The following HSD17B12 variants were observed in gnomAD, a reference collection of about 807,000 sequenced individuals.
The protein encoded by HSD17B12 is very-long-chain 3-oxoacyl-CoA reductase.
Under a neutral mutation model 39.3 loss-of-function variants are expected in HSD17B12, and 32 were observed. That is an observed-to-expected ratio of 0.81 (90% CI 0.61 to 1.09). The LOEUF (loss-of-function observed/expected upper bound fraction) is 1.09, where lower values mean the gene tolerates loss of function less well. HSD17B12 is among the 50% of genes least tolerant of loss of function. The pLI is 0.00. For synonymous variants in HSD17B12, 150 were observed against 146.7 expected, an observed-to-expected ratio of 1.02 and a Z score of -0.16; for missense variants, 342 against 382.9, an observed-to-expected ratio of 0.89 and a Z score of 0.89.
intron 9 of HSD17B12, among the ~76,000 whole-genome samples, chr11:43,843,832 T>C (rs1951449544): frequency 6.6e-6 from 1 of 152,230 alleles, no homozygotes; most frequent in Non-Finnish European, 1.5e-5. Flanking sequence ...TGCTACTGTC[T>C]GGCCCTTCCC....
chr11:43,641,635 G>C, the HSD17B12 span, among the ~76,000 whole-genome samples: 2 of 151,896 alleles, frequency 1.3e-5, no homozygotes, highest in Non-Finnish European at 3.0e-5. Context: ...GCAAGAACCT[G>C]TACTTTGTGT....
the HSD17B12 span, among the ~76,000 whole-genome samples, chr11:43,609,834 G>A: frequency 6.6e-6 from 1 of 152,152 alleles, no homozygotes; most frequent in African/African-American, 2.4e-5. Flanking sequence ...AAGATGAGAG[G>A]CTTGTACTAC....
chr11:43,766,604 T>G (rs1473764890), intron 3 of HSD17B12, among the ~76,000 whole-genome samples: 3 of 152,190 alleles, frequency 2.0e-5, no homozygotes, highest in Non-Finnish European at 4.4e-5. Flanking sequence ...CCATAAATGT[T>G]TGGTCTACAT....
chr11:43,778,751 T>C (rs1157227316), intron 3 of HSD17B12, among the ~76,000 whole-genome samples: 1 of 151,928 alleles, frequency 6.6e-6, no homozygotes, highest in African/African-American at 2.4e-5. Context: ...ATTATCTCAA[T>C]AGATGCAGAA....
intron 1 of HSD17B12, chr11:43,718,975 G>A (rs929237452): frequency 4.1e-5 from 43 of 1,043,740 alleles, no homozygotes; most frequent in Non-Finnish European, 5.8e-5. Context: ...TGTTCATTGT[G>A]GATGTTAAAG....
At chr11:43,807,965 T>G (rs1182096980) in intron 4 of HSD17B12, among the ~76,000 whole-genome samples, 1 of 152,210 alleles carries the variant, frequency 6.6e-6, no homozygotes, top group Non-Finnish European at 1.5e-5. Flanking sequence ...ATGCCCATTT[T>G]ACAGACAAGA....
chr11:43,652,305 G>A, the HSD17B12 span, among the ~76,000 whole-genome samples: 1 of 152,222 alleles, frequency 6.6e-6, no homozygotes, highest in East Asian at 1.9e-4. Context: ...TAAAACAATA[G>A]GTGTGGAAAA....
intron 1 of HSD17B12, among the ~76,000 whole-genome samples, chr11:43,741,937 C>T (rs1183399824): frequency 4.0e-5 from 6 of 148,852 alleles, no homozygotes; most frequent in African/African-American, 7.4e-5. Flanking sequence ...GGTTTCACCA[C>T]GTTAGCCAGG....
chr11:43,839,897 T>C, intron 8 of HSD17B12, 102 bp from the exon 9 acceptor site: 1 of 945,922 alleles, frequency 1.1e-6, no homozygotes, highest in Non-Finnish European at 1.7e-6. Context: ...GATGAGAAAT[T>C]ATAGCATTAA....
chr11:43,847,896 T>C (rs1175775477), intron 9 of HSD17B12, among the ~76,000 whole-genome samples: 5 of 151,988 alleles, frequency 3.3e-5, no homozygotes, highest in Admixed American at 3.3e-4. Flanking sequence ...TAGGACAAAT[T>C]GAGATGAGAG....
chr11:43,627,366 C>T, the HSD17B12 span, among the ~76,000 whole-genome samples: 1 of 151,670 alleles, frequency 6.6e-6, no homozygotes, highest in Non-Finnish European at 1.5e-5. Context: ...ATAGGAGCTA[C>T]AGATAAAAAC....
intron 1 of HSD17B12, among the ~76,000 whole-genome samples, chr11:43,682,786 TTTTC>T (rs1374911678): frequency 8.1e-6 from 1 of 123,770 alleles, no homozygotes; most frequent in Non-Finnish European, 1.8e-5. Context: ...TTTTCTTTTC[TTTTC>T]TTTTTTTTTT....
chr11:43,730,976 A>C (rs887593432), intron 1 of HSD17B12, among the ~76,000 whole-genome samples: 1 of 152,060 alleles, frequency 6.6e-6, no homozygotes, highest in East Asian at 1.9e-4. Flanking sequence ...GAATTTGCCC[A>C]CTTCTTATAT....
chr11:43,674,587 C>T, the HSD17B12 span, among the ~76,000 whole-genome samples: 2 of 152,292 alleles, frequency 1.3e-5, no homozygotes, highest in South Asian at 2.1e-4. Context: ...TTTAACATTC[C>T]TTTTCATTAA....
chr11:43,586,807 A>G, the HSD17B12 span, among the ~76,000 whole-genome samples: 1 of 152,230 alleles, frequency 6.6e-6, no homozygotes, highest in African/African-American at 2.4e-5. Context: ...ACATGGGAAT[A>G]GTAGTCATGC....
At chr11:43,657,366 C>T in the HSD17B12 span, among the ~76,000 whole-genome samples, 10 of 152,198 alleles carry the variant, frequency 6.6e-5, no homozygotes. Context: ...GTTTGCCAGT[C>T]TGTGCCTTTT....
intron 9 of HSD17B12, 126 bp downstream of exon 9, chr11:43,840,190 T>C: frequency 1.5e-6 from 1 of 684,004 alleles, no homozygotes; most frequent in East Asian, 3.0e-5. Context: ...TAGCACACCA[T>C]TAAAAACGTG....
intron 3 of HSD17B12, among the ~76,000 whole-genome samples, chr11:43,790,209 T>C (rs1950854319): frequency 6.6e-6 from 1 of 152,184 alleles, no homozygotes; most frequent in South Asian, 2.1e-4. Flanking sequence ...AAGGAAATAC[T>C]TGGACGCTAA....
the HSD17B12 span, among the ~76,000 whole-genome samples, chr11:43,636,508 G>A: frequency 2.0e-5 from 3 of 151,940 alleles, no homozygotes; most frequent in South Asian, 2.1e-4. Flanking sequence ...TATCTCTGGA[G>A]TTACCATTAC....
Sources: allele counts gnomAD v4.1 joint callset (sites outside exome capture counted in the v4.1 genomes callset), GRCh38; gene constraint gnomAD v4.1.1; transcripts MANE v1.5; gene names NCBI Gene and HGNC (gene_info 2026-07-23, HGNC 2026-07-21).